Variants in CACNB2 observed in about 807,000 individuals in gnomAD.
The protein encoded by CACNB2 is calcium voltage-gated channel auxiliary subunit beta 2.
CACNB2 carries 42 observed loss-of-function variants against 73.3 expected under a neutral mutation model. The ratio of observed to expected loss-of-function variants is 0.57; its 90% CI spans 0.45 to 0.74. CACNB2 has a LOEUF of 0.74. Among genes scored for constraint, CACNB2 ranks in the 30% least tolerant of loss-of-function variants. The probability of loss-of-function intolerance (pLI) is 0.00; values close to 1 mark genes in which losing one functional copy is unlikely to be tolerated. For missense variants in CACNB2, 940 were observed against 853.0 expected (o/e 1.10, Z -1.27); for synonymous variants, 348 against 310.3 (o/e 1.12, Z -1.28).
intron 2 of CACNB2, among the ~76,000 whole-genome samples, chr10:18,211,680 T>C (rs144513158): frequency 6.6e-6 from 1 of 152,328 alleles, no homozygotes; most frequent in Non-Finnish European, 1.5e-5. Context: ...TTTATATAAA[T>C]AGCGGAATAC....
chr10:18,360,193 T>C (rs1390329581), intron 2 of CACNB2, among the ~76,000 whole-genome samples: 1 of 152,176 alleles, frequency 6.6e-6, no homozygotes, highest in African/African-American at 2.4e-5. Context: ...TCCTCTCCTA[T>C]ATAAAGGAGG....
intron 2 of CACNB2, among the ~76,000 whole-genome samples, chr10:18,217,817 G>A (rs1249199642): frequency 6.6e-6 from 1 of 151,908 alleles, no homozygotes; most frequent in Non-Finnish European, 1.5e-5. Flanking sequence ...AGGTGGGAAG[G>A]GGAACCAGGC....
chr10:18,231,669 C>T (rs963651578), intron 2 of CACNB2, among the ~76,000 whole-genome samples: 2 of 152,126 alleles, frequency 1.3e-5, no homozygotes, highest in Admixed American at 1.3e-4. Flanking sequence ...GACAGCTGTA[C>T]CTTTAAAATA....
At chr10:18,470,755 T>G (rs1432233206) in intron 3 of CACNB2, among the ~76,000 whole-genome samples, 1 of 152,156 alleles carries the variant, frequency 6.6e-6, no homozygotes, top group Non-Finnish European at 1.5e-5. Context: ...CTGGTAGGCA[T>G]TGAGATGTTT....
chr10:18,154,660 G>A (rs1441538669), intron 2 of CACNB2, among the ~76,000 whole-genome samples: 1 of 152,116 alleles, frequency 6.6e-6, no homozygotes, highest in Non-Finnish European at 1.5e-5. Context: ...TAGAGACAGG[G>A]TTTCGCCATG....
At chr10:18,286,269 C>T (rs2038784040) in intron 2 of CACNB2, among the ~76,000 whole-genome samples, 1 of 152,110 alleles carries the variant, frequency 6.6e-6, no homozygotes, top group South Asian at 2.1e-4. Flanking sequence ...GTAATCCCAG[C>T]ACTTTGGGAG....
intron 4 of CACNB2, among the ~76,000 whole-genome samples, chr10:18,500,152 G>A (rs1335880491): frequency 6.6e-6 from 1 of 152,122 alleles, no homozygotes; most frequent in Non-Finnish European, 1.5e-5. Flanking sequence ...ATGCTGAAAG[G>A]GGGATCTTTC....
chr10:18,217,975 C>A (rs954308331), intron 2 of CACNB2, among the ~76,000 whole-genome samples: 1 of 152,006 alleles, frequency 6.6e-6, no homozygotes, highest in Non-Finnish European at 1.5e-5. Context: ...TAGGAAGAGC[C>A]CCTTGTGTCT....
At position 18,539,294 on chromosome 10, in the gene CACNB2, A is replaced by C. The variant is rs138060429; in HGVS notation, c.1553A>C (p.Glu518Ala). Reference protein sequence around the residue: ...APIRSASQAEEEPSVEPVKKS... With the variant: ...APIRSASQAEAEPSVEPVKKS... Reference sequence around the variant, plus strand: ...ATCCGTTCTGCTTCCCAAGCTGAAGAAGAACCTAGTGTGGAACCAGTCAAG... The same window carrying C: ...ATCCGTTCTGCTTCCCAAGCTGAAGCAGAACCTAGTGTGGAACCAGTCAAG... Residue 518 changes from glutamate (E) to alanine (A), a missense_variant, in exon 14 of 14, where the codon GAA (glutamate) becomes GCA (alanine). Transcript: ENST00000324631. 1.2e-4 allele frequency: 196 copies of C among 1,613,884 alleles called. No individual in the cohort carries two copies. The African/African-American group carries it at 2.3e-3, about 19-fold the overall frequency.
At chr10:18,469,523 TCTTG>T (rs1426140820) in intron 3 of CACNB2, among the ~76,000 whole-genome samples, 2 of 152,236 alleles carry the variant, frequency 1.3e-5, no homozygotes, top group African/African-American at 4.8e-5. Context: ...TTCCAAGTCC[TCTTG>T]CTTAATTCTA....
chr10:18,492,629 A>AAAG (rs1050468051), intron 3 of CACNB2, among the ~76,000 whole-genome samples: 1 of 146,914 alleles, frequency 6.8e-6, no homozygotes, highest in Non-Finnish European at 1.5e-5. Flanking sequence ...TCAAAAAAAA[A>AAAG]AAAAAAAAAG....
intron 2 of CACNB2, among the ~76,000 whole-genome samples, chr10:18,295,091 G>C (rs757472672): frequency 2.0e-5 from 3 of 152,176 alleles, no homozygotes; most frequent in Non-Finnish European, 4.4e-5. Context: ...TTACAAATGA[G>C]TATTATGGTG....
At chr10:18,480,378 C>T (rs778250279) in intron 3 of CACNB2, among the ~76,000 whole-genome samples, 7 of 151,918 alleles carry the variant, frequency 4.6e-5, no homozygotes, top group Admixed American at 3.3e-4. Context: ...AAGACAAGCC[C>T]GTTGGTTTAA....
At chr10:18,342,248 A>G (rs1257509173) in intron 2 of CACNB2, among the ~76,000 whole-genome samples, 1 of 152,182 alleles carries the variant, frequency 6.6e-6, no homozygotes, top group Admixed American at 6.5e-5. Flanking sequence ...AATACATTCC[A>G]TTGGCCATTT....
chr10:18,146,149 C>G (rs1306676504), intron 1 of CACNB2, among the ~76,000 whole-genome samples: 1 of 152,098 alleles, frequency 6.6e-6, no homozygotes, highest in Non-Finnish European at 1.5e-5. Context: ...TTACCCTTAG[C>G]TTATTCACAC....
intron 3 of CACNB2, among the ~76,000 whole-genome samples, chr10:18,414,941 C>A (rs2044856997): frequency 6.6e-6 from 1 of 152,104 alleles, no homozygotes; most frequent in African/African-American, 2.4e-5. Flanking sequence ...TCTGTTCTTA[C>A]AAGTTTTTGC....
At chr10:18,204,011 C>T (rs1588693050) in intron 2 of CACNB2, among the ~76,000 whole-genome samples, 1 of 151,774 alleles carries the variant, frequency 6.6e-6, no homozygotes, top group Admixed American at 6.6e-5. Flanking sequence ...AACAAAAAAG[C>T]AATCAGATTG....
chr10:18,226,537 A>G (rs768067972), intron 2 of CACNB2, among the ~76,000 whole-genome samples: 43 of 152,296 alleles, frequency 2.8e-4, no homozygotes, highest in Admixed American at 3.3e-4. Flanking sequence ...CACAGCCAGT[A>G]AGAGGCAGAG....
At chr10:18,459,717 A>G (rs1235672794) in intron 3 of CACNB2, among the ~76,000 whole-genome samples, 1 of 152,236 alleles carries the variant, frequency 6.6e-6, no homozygotes, top group Admixed American at 6.5e-5. Flanking sequence ...TTGTAAAAGT[A>G]GAATGCTGGC....
Sources: allele counts gnomAD v4.1 joint callset (sites outside exome capture counted in the v4.1 genomes callset), GRCh38; gene constraint gnomAD v4.1.1; transcripts MANE v1.5; gene names NCBI Gene and HGNC (gene_info 2026-07-23, HGNC 2026-07-21).